MYO1B: variants seen among roughly 807,000 people sequenced by gnomAD.
MYO1B encodes the protein myosin IB.
Under a neutral mutation model 159.7 loss-of-function variants are expected in MYO1B, and 72 were observed. The ratio of observed to expected loss-of-function variants is 0.45; its 90% CI spans 0.37 to 0.55. MYO1B has a LOEUF of 0.55. MYO1B is among the 20% of genes least tolerant of loss of function. MYO1B has a pLI of 0.00. For missense variants in MYO1B, 1,062 were observed against 1,364.8 expected (o/e 0.78, Z 3.50); for synonymous variants, 468 against 473.8 (o/e 0.99, Z 0.16).
chr2:191,420,871 A>G (rs1044905313), intron 30 of MYO1B, among the ~76,000 whole-genome samples: 8 of 152,184 alleles, frequency 5.3e-5, no homozygotes, highest in African/African-American at 1.9e-4. Flanking sequence ...ACTGGTATGA[A>G]TGCCATGAAA....
chr2:191,265,908 G>A (rs1376221890), intron 1 of MYO1B, among the ~76,000 whole-genome samples: 3 of 152,122 alleles, frequency 2.0e-5, no homozygotes, highest in Admixed American at 1.3e-4. Context: ...CCTACAGCTG[G>A]GCTGCATGCT....
At chr2:191,365,441 G>T (rs1693947050) in intron 11 of MYO1B, among the ~76,000 whole-genome samples, 2 of 152,190 alleles carry the variant, frequency 1.3e-5, no homozygotes, top group Non-Finnish European at 2.9e-5. Flanking sequence ...TATTTTGGCT[G>T]TGGCAAATAC....
At chr2:191,258,017 C>T (rs2125679693) in intron 1 of MYO1B, among the ~76,000 whole-genome samples, 1 of 152,168 alleles carries the variant, frequency 6.6e-6, no homozygotes, top group Admixed American at 6.5e-5. Flanking sequence ...TTGGTTTTTT[C>T]AAAAGAAGAC....
At chr2:191,371,051 C>A (rs1408150692) in intron 13 of MYO1B, 1 of 152,166 alleles carries the variant, frequency 6.6e-6, no homozygotes, top group African/African-American at 2.4e-5. Context: ...GTTAGAATTT[C>A]CTTTTTGCCC....
chr2:191,411,238 C>A, intron 27 of MYO1B, 66 bp downstream of exon 27: 1 of 1,005,780 alleles, frequency 9.9e-7, no homozygotes, highest in Non-Finnish European at 1.5e-6. Flanking sequence ...TATTTGTACG[C>A]CGTTTTGCCT....
At chr2:191,360,256 T>C (rs1693576993) in intron 7 of MYO1B, among the ~76,000 whole-genome samples, 1 of 152,250 alleles carries the variant, frequency 6.6e-6, no homozygotes, top group South Asian at 2.1e-4. Flanking sequence ...AACTAATTTT[T>C]ATTAAAATTA....
At chr2:191,359,875 G>A (rs1223558774) in intron 7 of MYO1B, among the ~76,000 whole-genome samples, 4 of 152,146 alleles carry the variant, frequency 2.6e-5, no homozygotes, top group Non-Finnish European at 4.4e-5. Flanking sequence ...GAATATCCTC[G>A]TCATCCCTCC....
intron 11 of MYO1B, among the ~76,000 whole-genome samples, chr2:191,369,248 C>G (rs1262798249): frequency 2.0e-5 from 3 of 152,116 alleles, no homozygotes; most frequent in Non-Finnish European, 1.5e-5. Flanking sequence ...TGTTGGATGT[C>G]TAAATTGCGT....
chr2:191,399,801 C>G (rs1391698193), intron 21 of MYO1B, among the ~76,000 whole-genome samples: 1 of 152,188 alleles, frequency 6.6e-6, no homozygotes, highest in Non-Finnish European at 1.5e-5. Context: ...CTTCCTTGGC[C>G]TCATGGCTGG....
chr2:191,333,129 TA>T (rs1691599851), intron 4 of MYO1B, among the ~76,000 whole-genome samples: 1 of 152,228 alleles, frequency 6.6e-6, no homozygotes, highest in Non-Finnish European at 1.5e-5. Flanking sequence ...TACTAAAAAT[TA>T]GTTGATTTGC....
chr2:191,258,715 A>G (rs1479636414), intron 1 of MYO1B, among the ~76,000 whole-genome samples: 1 of 152,152 alleles, frequency 6.6e-6, no homozygotes, highest in Non-Finnish European at 1.5e-5. Flanking sequence ...TCTCCACTTC[A>G]TACACACTAA....
Position 191,380,542 on chromosome 2 carries a change from C to T in MYO1B, c.1186-920C>T, listed in dbSNP as rs73060759. 6.8e-3 allele frequency among the ~76,000 whole-genome samples: 1,034 copies of T among 152,250 alleles called. 10 individuals are homozygous for T. The highest frequency in any genetic ancestry group is 0.024 in the African/African-American group (984 of 41,534). On this transcript the variant is annotated intron_variant, in intron 13 of 30. Transcript: ENST00000392318. ...AGTGTCAGATCTACTTCTTCCTGGA[C>T]GATGTGGTTCTTGATAAATTTATTC...
chr2:191,276,795 A>C, intron 1 of MYO1B, 92 bp from the exon 2 acceptor site: 1 of 1,403,128 alleles, frequency 7.1e-7, no homozygotes, highest in Non-Finnish European at 9.7e-7. Flanking sequence ...AGTCATTTGG[A>C]GCTACCAGTG....
rs377607968 is a variant in MYO1B at position 191,290,668 on chromosome 2, A to C, written c.136-5443A>C. ...GTGATGAAAATTTTATTTCTTATAT[A>C]TGAGTTGTAATCAAACATTTCAAAT... is the stretch of plus-strand genomic sequence containing the variant. On this transcript the variant is annotated intron_variant, in intron 2 of 30. Coordinates refer to ENST00000392318, the MANE Select transcript of MYO1B (RefSeq NM_001130158.3). Among the ~76,000 whole-genome samples, 5 of 152,214 alleles carry C rather than the reference A, an allele frequency of 3.3e-5. No individual in the cohort carries two copies. In the East Asian group the frequency reaches 9.6e-4, roughly 29 times the overall value.
chr2:191,263,932 G>A (rs977361884), intron 1 of MYO1B, among the ~76,000 whole-genome samples: 1 of 152,158 alleles, frequency 6.6e-6, no homozygotes, highest in African/African-American at 2.4e-5. Flanking sequence ...ACTTAAAAAT[G>A]ATTAGTTATG....
intron 26 of MYO1B, 107 bp from the exon 27 acceptor site, chr2:191,410,959 T>C (rs1697217409): frequency 3.1e-6 from 2 of 647,742 alleles, no homozygotes; most frequent in East Asian, 3.0e-5. Flanking sequence ...TGTTTTGTAC[T>C]TTCTCCCTTA....
intron 13 of MYO1B, among the ~76,000 whole-genome samples, chr2:191,375,328 T>G (rs1214867365): frequency 6.6e-6 from 1 of 152,220 alleles, no homozygotes; most frequent in Non-Finnish European, 1.5e-5. Context: ...TTAAAAGAAA[T>G]TCTGGCTATA....
chr2:191,283,800 T>C (rs73058668), intron 2 of MYO1B, among the ~76,000 whole-genome samples: 2,194 of 152,322 alleles, frequency 0.014, 53 homozygotes, highest in African/African-American at 0.05. Flanking sequence ...ACAAAAGCCC[T>C]TTCAATTCTC....
At chr2:191,309,422 G>A (rs375571439) in intron 3 of MYO1B, among the ~76,000 whole-genome samples, 2 of 151,960 alleles carry the variant, frequency 1.3e-5, no homozygotes, top group African/African-American at 4.8e-5. Flanking sequence ...TGTTGCCTCC[G>A]CCTGCCTCCC....
Sources: gnomAD v4.1 joint callset for allele counts (sites outside exome capture counted in the v4.1 genomes callset) on GRCh38, gnomAD v4.1.1 for gene constraint, MANE v1.5 for transcripts, NCBI Gene and HGNC (gene_info 2026-07-23, HGNC 2026-07-21) for gene names.